Variants in ZNF254 observed in about 807,000 individuals in gnomAD.
ZNF254 encodes the protein CTD-2017D11.1.
Under a neutral mutation model 12.4 loss-of-function variants are expected in ZNF254, and 10 were observed. The ratio of observed to expected loss-of-function variants is 0.80; its 90% CI spans 0.50 to 1.36. ZNF254 has a LOEUF of 1.36. ZNF254 is among the 40% of genes most tolerant of loss of function. The pLI is 0.00. For synonymous variants in ZNF254, 305 were observed against 253.4 expected (o/e 1.20, Z -1.93); for missense variants, 996 against 763.9 (o/e 1.30, Z -3.58).
intron 1 of ZNF254, chr19:24,105,204 T>C (rs544181483): frequency 6.3e-6 from 1 of 159,274 alleles, no homozygotes; most frequent in Non-Finnish European, 1.4e-5. Flanking sequence ...TCTTCATCAT[T>C]AGATATCTTT....
At chr19:24,057,776 C>T (rs1970916136) in intron 2 of ZNF254, among the ~76,000 whole-genome samples, 1 of 152,192 alleles carries the variant, frequency 6.6e-6, no homozygotes, top group Non-Finnish European at 1.5e-5. Context: ...GGTGAAACAG[C>T]CAGTAAGAGG....
chr19:24,040,164 ACC>A, intron 1 of ZNF254, among the ~76,000 whole-genome samples: 1 of 152,124 alleles, frequency 6.6e-6, no homozygotes, highest in East Asian at 1.9e-4. Flanking sequence ...GTCTGGCCCC[ACC>A]CTGAAATCTC....
intron 3 of ZNF254, among the ~76,000 whole-genome samples, chr19:24,123,233 A>G (rs916035982): frequency 2.6e-5 from 4 of 152,048 alleles, no homozygotes; most frequent in African/African-American, 7.2e-5. Context: ...TTTCTGTCTT[A>G]TTGTTTTATA....
intron 1 of ZNF254, among the ~76,000 whole-genome samples, chr19:24,091,053 A>T (rs1972349955): frequency 6.6e-6 from 1 of 150,530 alleles, no homozygotes; most frequent in Non-Finnish European, 1.5e-5. Context: ...GGTTCGAGCA[A>T]TTCTCCTGCC....
At position 24,092,581 on chromosome 19, in the gene ZNF254, A is replaced by G. The variant is rs563282727; in HGVS notation, c.30+5244A>G. 2.9e-4 allele frequency among the ~76,000 whole-genome samples: 44 copies of G among 151,966 alleles called. No individual in the cohort carries two copies. In the Middle Eastern group the frequency reaches 0.01, roughly 36 times the overall value. On this transcript the variant is annotated intron_variant, in intron 1 of 3. Coordinates refer to ENST00000357002, the MANE Select transcript of ZNF254 (RefSeq NM_203282.4). ...ATTTTTTTAGAGATGGGATTTTTCC[A>G]TGTTGCTCAGGCTGGTCTCAAACTC...
intron 2 of ZNF254, among the ~76,000 whole-genome samples, chr19:24,069,517 A>G (rs1971403002): frequency 6.8e-6 from 1 of 147,096 alleles, no homozygotes; most frequent in Non-Finnish European, 1.5e-5. Flanking sequence ...AGGCAGGAGA[A>G]TTGCTTGAAC....
rs62113669 is a variant in ZNF254, at chr19:24,042,075, A to C, written c.-189-4109A>C. Among the ~76,000 whole-genome samples the C allele has an allele frequency of 3.7e-5, 5 of 134,666 alleles. No individual in the cohort carries two copies. The East Asian group carries it at 1.1e-3, about 31-fold the overall frequency. The allele number at this position is 134,666 out of a possible 152,430, so 88.3% of individuals were successfully genotyped here. A position where few individuals can be genotyped will look rare whatever the true frequency, so the allele number is the denominator to read the frequency against. On this transcript the variant is annotated intron_variant, in intron 1 of 4. Coordinates refer to the ZNF254 transcript ENST00000613065. ...TAGCTCAAGGATTGTAAATACACCA[A>C]TCGGCACTCTGTATCTAGCTCAAGG...
chr19:24,035,547 G>A (rs1479961793), intron 1 of ZNF254, among the ~76,000 whole-genome samples: 1 of 152,228 alleles, frequency 6.6e-6, no homozygotes, highest in East Asian at 1.9e-4. Flanking sequence ...TTGGTGGCAC[G>A]CTGTATTCCC....
chr19:24,087,374 G>A (rs748590615), intron 1 of ZNF254, 37 bp downstream of exon 1: 3 of 1,612,722 alleles, frequency 1.9e-6, no homozygotes, highest in Non-Finnish European at 2.5e-6. Flanking sequence ...GAGAGGGGAG[G>A]GGGCTGGTTG....
chr19:24,078,229 G>C (rs964273680), intron 2 of ZNF254, among the ~76,000 whole-genome samples: 1 of 152,122 alleles, frequency 6.6e-6, no homozygotes, highest in African/African-American at 2.4e-5. Context: ...GTAGAGATCG[G>C]GTTTCACCAT....
rs535453786 is a variant in ZNF254 at position 24,128,832 on chromosome 19, G to T, written c.*852G>T. The T allele has an allele frequency of 2.6e-5, 4 of 151,962 alleles. No homozygotes were observed. The highest frequency in any genetic ancestry group is 4.1e-4 in the South Asian group (2 of 4,820). 9.4% of individuals were successfully genotyped at this position (151,962 alleles called of 1,614,324 possible). On this transcript the variant is annotated 3_prime_UTR_variant, in exon 4 of 4. Transcript: ENST00000357002. ...TACAAACAGATTTGTCTAAACATTT[G>T]TATATAACTTTAAAAATAGAATATT...
intron 2 of ZNF254, among the ~76,000 whole-genome samples, chr19:24,067,439 CAT>C (rs921564693): frequency 2.6e-5 from 4 of 151,866 alleles, no homozygotes; most frequent in Non-Finnish European, 2.9e-5. Context: ...GGAAATTTGA[CAT>C]ATCGCTGGGC....
chr19:24,077,388 C>G (rs1468444191), intron 2 of ZNF254, among the ~76,000 whole-genome samples: 1 of 152,226 alleles, frequency 6.6e-6, no homozygotes, highest in Non-Finnish European at 1.5e-5. Flanking sequence ...TTTATTGACA[C>G]TTGTCTCAGG....
At position 24,126,447 on chromosome 19, in the gene ZNF254, C is replaced by T; in HGVS notation, c.447C>T (p.Ala149=). Residue 149 remains alanine, a synonymous_variant, in exon 4 of 4, where the codon GCC becomes GCT. Transcript: ENST00000357002. The stretch of plus-strand genomic sequence containing the variant: ...GACTTAACCAGTGTTTCACAACTGC[C>T]CAGAGCAAAGTATTTCAATGTGATA... The part of the protein sequence containing the change: ...YNGLNQCFTT[A]QSKVFQCDKY... The T allele has an allele frequency of 6.3e-7, 1 of 1,596,368 alleles. No homozygotes were observed. The highest frequency in any genetic ancestry group is 8.5e-7 in the Non-Finnish European group (1 of 1,174,580).
At chr19:24,105,557 T>G in intron 1 of ZNF254, 2 of 223,312 alleles carry the variant, frequency 9.0e-6, no homozygotes, top group Non-Finnish European at 1.8e-5. Flanking sequence ...ATTTGAGTGG[T>G]ACCTTCTAAC....
Position 24,117,302 on chromosome 19 carries a change from G to A in ZNF254, c.254-8952G>A, listed in dbSNP as rs959274870. Among the ~76,000 whole-genome samples, 15 of 152,288 alleles carry A rather than the reference G, an allele frequency of 9.8e-5. No homozygotes were observed. In the South Asian group the frequency reaches 1.0e-3, roughly 11 times the overall value. On this transcript the variant is annotated intron_variant, in intron 3 of 3. Coordinates refer to ENST00000357002, the MANE Select transcript of ZNF254 (RefSeq NM_203282.4). ...TCTGTGCCCTGCCCCCAGAGGTGGA[G>A]CCTACAGAGGCAGGCAGGCCTCCTT...
chr19:24,087,933 T>TG (rs1972129955), intron 1 of ZNF254, among the ~76,000 whole-genome samples: 5 of 149,700 alleles, frequency 3.3e-5, no homozygotes, highest in African/African-American at 1.2e-4. Flanking sequence ...TTCTTTTTTT[T>TG]GAGACAGAGT....
chr19:24,083,316 A>G (rs1971915780), upstream of ZNF254, among the ~76,000 whole-genome samples: 1 of 152,222 alleles, frequency 6.6e-6, no homozygotes, highest in Non-Finnish European at 1.5e-5. Flanking sequence ...GGTATCATAG[A>G]TGACACATAC....
intron 1 of ZNF254, among the ~76,000 whole-genome samples, chr19:24,043,010 G>GT (rs550992827): frequency 1.1e-3 from 162 of 151,920 alleles, no homozygotes; most frequent in Middle Eastern, 6.8e-3. Flanking sequence ...TTCTTTTTAG[G>GT]TTTTTTTGTT....
Sources: allele counts gnomAD v4.1 joint callset (sites outside exome capture counted in the v4.1 genomes callset), GRCh38; gene constraint gnomAD v4.1.1; transcripts MANE v1.5; gene names NCBI Gene and HGNC (gene_info 2026-07-23, HGNC 2026-07-21).